The following MYO1C variants were observed in gnomAD, a reference collection of about 807,000 sequenced individuals.
The protein encoded by MYO1C is unconventional myosin-Ic.
A neutral mutation model predicts 150.8 loss-of-function variants in MYO1C; 104 were observed. The observed-to-expected ratio is 0.69, with a 90% CI of 0.59 to 0.81. MYO1C has a LOEUF of 0.81. Ranked by LOEUF, MYO1C falls within the 30% of genes least tolerant of loss-of-function variation. MYO1C has a pLI of 0.00. For missense variants in MYO1C, 1,504 were observed against 1,435.0 expected (o/e 1.05, Z -0.78); for synonymous variants, 663 against 579.9 (o/e 1.14, Z -2.06).
At chr17:1,472,298 C>T in intron 17 of MYO1C, 70 bp from the exon 18 acceptor site, 1 of 1,370,104 alleles carries the variant, frequency 7.3e-7, no homozygotes, top group Admixed American at 1.7e-5. Flanking sequence ...CAGCGAGTAC[C>T]CCACTCCCCT....
At chr17:1,470,769 G>T in intron 21 of MYO1C, 80 bp from the exon 22 acceptor site, 7 of 1,411,684 alleles carry the variant, frequency 5.0e-6, no homozygotes, top group Non-Finnish European at 6.8e-6. Flanking sequence ...CTCCACGAGT[G>T]GCATGAATGG....
intron 14 of MYO1C, among the ~76,000 whole-genome samples, chr17:1,476,160 A>G (rs1222452118): frequency 6.6e-6 from 1 of 152,128 alleles, no homozygotes; most frequent in Non-Finnish European, 1.5e-5. Flanking sequence ...GAATAGATTC[A>G]GAGAGACTCC....
intron 2 of MYO1C, 145 bp from the exon 3 acceptor site, chr17:1,483,870 C>A: frequency 1.4e-6 from 1 of 732,178 alleles, no homozygotes; most frequent in Non-Finnish European, 2.3e-6. Context: ...ATGGAGAAAT[C>A]CGTCTCTACT....
rs1266171427 is a variant in MYO1C at position 1,480,872 on chromosome 17, C to A, written c.641G>T (p.Gly214Val). 6.2e-7 allele frequency: 1 copy of A among 1,614,046 alleles called. No homozygotes were observed. The highest frequency in any genetic ancestry group is 8.5e-7 in the Non-Finnish European group (1 of 1,180,020). ...CAGGAGGTAACTGAGGATGTGGCCA[C>A]CCACGGGGGCACCCTGTGGGCAGGG... ...VQFDFKGAPV[G>V]GHILSYLLEK... is the part of the protein sequence containing the mutation. The change falls in exon 6 of 32, where the codon GGT becomes GTT. Residue 214 changes from glycine (G) to valine (V), a missense_variant. Coordinates refer to ENST00000648651, the MANE Select transcript of MYO1C (RefSeq NM_001080779.2).
rs779896434 is a variant in MYO1C, at chr17:1,484,300, G to T, written c.79C>A (p.Leu27Met). Residue 27 changes from leucine (L) to methionine (M), a missense_variant, in exon 2 of 32, where the codon CTG becomes ATG. By Grantham distance (15) the Leu-to-Met change is conservative. Coordinates refer to ENST00000648651, the MANE Select transcript of MYO1C (RefSeq NM_001080779.2). ...GTCACCCGAACCCCGTCACTGCCCA[G>T]GGCCTGCAGAGAATGGGCCACAGAA... ...VHPHRPCKLA[L>M]GSDGVRVTME... 6.2e-7 allele frequency: 1 copy of T among 1,609,706 alleles called. No individual in the cohort carries two copies. Among genetic ancestry groups the T allele is most frequent in the Non-Finnish European group, 8.5e-7 (1 of 1,179,994 alleles).
chr17:1,469,186 G>C (rs1259198167), intron 25 of MYO1C: 1 of 378,024 alleles, frequency 2.6e-6, no homozygotes, highest in Admixed American at 3.7e-5. Context: ...GGGTAAATAC[G>C]GTAGGCGGGG....
chr17:1,492,184 G>C lies in MYO1C; in HGVS notation c.75+229C>G, dbSNP rs2074742879. 8 of 574,236 alleles carry C rather than the reference G, an allele frequency of 1.4e-5. No homozygotes were observed. The South Asian group carries it at 1.6e-4, about 11-fold the overall frequency. The allele number at this position is 574,236 out of a possible 1,614,324, so 35.6% of individuals were successfully genotyped here. On this transcript the variant is annotated intron_variant, in intron 1 of 31. Coordinates refer to ENST00000648651, the MANE Select transcript of MYO1C (RefSeq NM_001080779.2). ...GGTTCTGCCCACTGAGGTTCGGGAA[G>C]CCGGGGAAGAGTCAAGCCCAGACCT...
rs149953348 is a variant in MYO1C, at chr17:1,466,729, A to T, written c.3165+513T>A. Among the ~76,000 whole-genome samples, 920 of 148,968 alleles carry T rather than the reference A, an allele frequency of 6.2e-3. 7 individuals carry two copies. The highest frequency in any genetic ancestry group is 9.5e-3 in the Non-Finnish European group (641 of 67,356). On this transcript the variant is annotated intron_variant, in intron 31 of 31. Coordinates refer to ENST00000648651, the MANE Select transcript of MYO1C (RefSeq NM_001080779.2). ...CAATCTCCACCTCCTGGGTTCAAGC[A>T]ATTCTCCCGCCTCAGCCCCCACTAG...
Position 1,492,503 on chromosome 17 carries a change from G to A in MYO1C, c.-16C>T, listed in dbSNP as rs76000611. 8,915 of 1,590,708 alleles carry A rather than the reference G, an allele frequency of 5.6e-3. 269 individuals carry two copies. The African/African-American group carries it at 0.078, about 14-fold the overall frequency. ...GCAGCGCCATTCCGCCCTGCGGAGAGCCAGCGGCCTGGGCACCGCGGCCTG... is the reference window on the plus strand; with the variant it reads ...GCAGCGCCATTCCGCCCTGCGGAGAACCAGCGGCCTGGGCACCGCGGCCTG... On this transcript the variant is annotated 5_prime_UTR_variant, in exon 1 of 32. Coordinates refer to ENST00000648651, the MANE Select transcript of MYO1C (RefSeq NM_001080779.2).
rs753471375 is a variant in MYO1C, at chr17:1,478,637, G to T, written c.1191C>A (p.Ile397=). ...TCACCTTGGAGGCCAGCGACCTGTT[G>T]ATCTTCCCGACGAGCCAGGTAAAAG... ...SRTFTWLVGK[I]NRSLASKDVE... Residue 397 remains isoleucine, a synonymous_variant, in exon 10 of 32, where the codon ATC becomes ATA. Transcript: ENST00000648651. This position sits in a 1 kb window ranked among gnomAD's most constrained non-coding sequence, Gnocchi z 6.3. 2 of 1,614,116 alleles carry T rather than the reference G, an allele frequency of 1.2e-6. No individual in the cohort carries two copies. Among genetic ancestry groups the T allele is most frequent in the South Asian group, 1.1e-5 (1 of 91,080 alleles).
intron 14 of MYO1C, chr17:1,477,293 C>T (rs2074419139): frequency 1.2e-5 from 7 of 597,914 alleles, no homozygotes; most frequent in Non-Finnish European, 2.1e-5. Flanking sequence ...GATGCTCTTG[C>T]CCCAGCCTTC....
Position 1,471,267 on chromosome 17 carries a change from C to G in MYO1C, c.2091G>C (p.Leu697=). 6.2e-7 allele frequency: 1 copy of G among 1,614,006 alleles called. No homozygotes were observed. The highest frequency in any genetic ancestry group is 8.5e-7 in the Non-Finnish European group (1 of 1,180,000). ...AGRPQDGVAV[L]VRHLGYKPEE... is the part of the protein sequence containing the mutation. ...CTGGCTTGTAGCCCAGGTGTCGGAC[C>G]AGCACAGCCACCCCATCCTGCGGCC... Residue 697 remains leucine, a synonymous_variant, in exon 20 of 32, where the codon CTG becomes CTC. Transcript: ENST00000648651.
chr17:1,470,978 G>T, intron 21 of MYO1C, 93 bp downstream of exon 21: 1 of 1,349,660 alleles, frequency 7.4e-7, no homozygotes, highest in Non-Finnish European at 1.0e-6. Flanking sequence ...TGATAGGGAG[G>T]GGTGGACTCC....
chr17:1,467,837 C>A lies in MYO1C; in HGVS notation c.2967+3G>T, dbSNP rs150904557. On this transcript the variant is annotated splice_donor_region_variant and intron_variant, in intron 29 of 31. Coordinates refer to ENST00000648651, the MANE Select transcript of MYO1C (RefSeq NM_001080779.2). The stretch of plus-strand genomic sequence containing the variant: ...CCACTCCTCCCCATCCATGAAAAGG[C>A]ACCTTTTGCTTATTGTCCGCACGCT... 3.8e-6 allele frequency: 6 copies of A among 1,586,756 alleles called. No homozygotes were observed. The East Asian group carries it at 1.4e-4, about 37-fold the overall frequency.
rs1438070848 is a variant in MYO1C at position 1,471,227 on chromosome 17, C to T, written c.2131G>A (p.Gly711Ser). The change falls in exon 20 of 32, where the codon GGC becomes AGC. Residue 711 changes from glycine (G) to serine (S), a missense_variant. Coordinates refer to ENST00000648651, the MANE Select transcript of MYO1C (RefSeq NM_001080779.2). Reference protein sequence around the residue: ...LGYKPEEYKMGRTKIFIRFPK... With the variant: ...LGYKPEEYKMSRTKIFIRFPK... ...CCCGGCACGGACACTACCCACCTGCCCATCTTGTACTCTTCTGGCTTGTAG... is the reference window on the plus strand; with the variant it reads ...CCCGGCACGGACACTACCCACCTGCTCATCTTGTACTCTTCTGGCTTGTAG... 6.2e-7 allele frequency: 1 copy of T among 1,613,884 alleles called. No homozygotes were observed. The highest frequency in any genetic ancestry group is 8.5e-7 in the Non-Finnish European group (1 of 1,179,986).
At chr17:1,474,746 C>A (rs1307826592) in intron 16 of MYO1C, 56 bp from the exon 17 acceptor site, 1 of 1,613,530 alleles carries the variant, frequency 6.2e-7, no homozygotes, top group Non-Finnish European at 8.5e-7. Context: ...GGACAGGCTC[C>A]TGGACACAGG....
chr17:1,491,661 G>A, intron 1 of MYO1C: 1 of 980,396 alleles, frequency 1.0e-6, no homozygotes, highest in Non-Finnish European at 1.2e-6. Flanking sequence ...TTGGGGATCC[G>A]CGGCCCGGGC....
intron 14 of MYO1C, among the ~76,000 whole-genome samples, chr17:1,475,682 G>A (rs76451181): frequency 0.054 from 8,187 of 152,336 alleles, 351 homozygotes; most frequent in Admixed American, 0.12. Flanking sequence ...AGTCTTAGGC[G>A]TGTTTATACC....
intron 14 of MYO1C, among the ~76,000 whole-genome samples, chr17:1,476,119 T>C (rs922188929): frequency 1.3e-5 from 2 of 152,190 alleles, no homozygotes; most frequent in South Asian, 4.1e-4. Context: ...TTAGTATTTA[T>C]TATTTAATGA....
Sources: gnomAD v4.1 joint callset for allele counts (sites outside exome capture counted in the v4.1 genomes callset) on GRCh38, gnomAD v4.1.1 for gene constraint, Gnocchi (gnomAD v3.1) non-coding constraint, MANE v1.5 for transcripts, NCBI Gene and HGNC (gene_info 2026-07-23, HGNC 2026-07-21) for gene names.